HS6ST2: variants seen among roughly 807,000 people sequenced by gnomAD.
HS6ST2 encodes heparan sulfate 6-O-sulfotransferase 2.
In HS6ST2, 17 loss-of-function variants were observed where a neutral mutation model predicts 33.0. That is an observed-to-expected ratio of 0.52 (90% CI 0.35 to 0.77). HS6ST2 has a LOEUF of 0.77. Ranked by LOEUF, HS6ST2 falls within the 30% of genes least tolerant of loss-of-function variation. The probability of loss-of-function intolerance (pLI) is 0.01; values close to 1 mark genes in which losing one functional copy is unlikely to be tolerated. For missense variants in HS6ST2, 519 were observed against 551.7 expected, an observed-to-expected ratio of 0.94 and a Z score of 0.59; for synonymous variants, 248 against 237.1, an observed-to-expected ratio of 1.05 and a Z score of -0.42.
rs746050082 is a variant in HS6ST2 at position 132,628,871 on chromosome X, C to A, written c.1290G>T (p.Gln430His). The change falls in exon 5 of 5, where the codon CAG (glutamine) becomes CAT (histidine). Residue 430 changes from glutamine (Q) to histidine (H), a missense_variant. By Grantham distance (24) the Gln-to-His change is conservative (BLOSUM62 0). Coordinates refer to ENST00000370833, the MANE Select transcript of HS6ST2 (RefSeq NM_001394073.1). Reference sequence around the variant, plus strand: ...GGGTCAGGTCGGAGAGCATGCGCACCTGGCGGTTGTTGGCTAGATTGTAGG... The same window carrying A: ...GGGTCAGGTCGGAGAGCATGCGCACATGGCGGTTGTTGGCTAGATTGTAGG... The part of the protein sequence containing the change: ...DCPYNLANNR[Q>H]VRMLSDLTLV... 2.5e-6 allele frequency: 3 copies of A among 1,211,693 alleles called. No individual in the cohort carries two copies. The highest frequency in any genetic ancestry group is 4.3e-5 in the Admixed American group (2 of 46,035).
rs760716333 is a variant in HS6ST2, at chrX:132,874,912, G to C, written c.947+81896C>G. Among the ~76,000 whole-genome samples the C allele has an allele frequency of 6.3e-5, 7 of 111,729 alleles. No homozygotes were observed. In the East Asian group the frequency reaches 1.7e-3, roughly 27 times the overall value. On this transcript the variant is annotated intron_variant, in intron 2 of 4. Coordinates refer to ENST00000370833, the MANE Select transcript of HS6ST2 (RefSeq NM_001394073.1). ...CCCCAACACCTCCTCCTCTGGAAGG[G>C]GGGGGCGGCCCATGGCAGAAAATGG... is the stretch of plus-strand genomic sequence containing the variant.
At chrX:132,637,924 A>ATAATATATATATAATATTTTATATAT (rs2063573091) in intron 4 of HS6ST2, among the ~76,000 whole-genome samples, 1 of 60,501 alleles carries the variant, frequency 1.7e-5, no homozygotes, top group African/African-American at 6.8e-5. Flanking sequence ...TATTTTATAT[A>ATAATATATATATAATATTTTATATAT]TATATTATAT....
chrX:132,680,075 G>A (rs764476859), intron 3 of HS6ST2, among the ~76,000 whole-genome samples: 1 of 106,741 alleles, frequency 9.4e-6, no homozygotes, highest in South Asian at 4.4e-4. Context: ...ACGAGATGAC[G>A]ATTAAGAGAT....
chrX:132,897,982 A>T (rs1463334090), intron 2 of HS6ST2, among the ~76,000 whole-genome samples: 2 of 111,633 alleles, frequency 1.8e-5, no homozygotes, highest in Non-Finnish European at 3.8e-5. Context: ...CAGGCTGCAC[A>T]GCAGGTGGTG....
intron 1 of HS6ST2, among the ~76,000 whole-genome samples, 157 bp from the exon 2 acceptor site, chrX:132,957,483 C>T (rs1376393964): frequency 2.7e-5 from 3 of 109,853 alleles, no homozygotes; most frequent in African/African-American, 1.0e-4. Flanking sequence ...GGCGGCGGCT[C>T]CCTTCCCCGC....
At chrX:132,874,595 C>CA (rs1179685075) in intron 2 of HS6ST2, among the ~76,000 whole-genome samples, 3 of 110,051 alleles carry the variant, frequency 2.7e-5, no homozygotes, top group African/African-American at 6.6e-5. Flanking sequence ...ACAAAACTAG[C>CA]AAAAAAAACA....
intron 4 of HS6ST2, among the ~76,000 whole-genome samples, chrX:132,648,396 GT>G (rs1385920911): frequency 9.0e-6 from 1 of 111,308 alleles, no homozygotes; most frequent in Non-Finnish European, 1.9e-5. Flanking sequence ...CACTTTCTCA[GT>G]ATGCCAGTGG....
At chrX:132,891,442 A>T (rs1301299790) in intron 2 of HS6ST2, among the ~76,000 whole-genome samples, 3 of 107,173 alleles carry the variant, frequency 2.8e-5, no homozygotes, top group Non-Finnish European at 5.8e-5. Context: ...TGTGCAGGTT[A>T]GTTACATATG....
chrX:132,681,022 T>A (rs1188973122), intron 3 of HS6ST2, among the ~76,000 whole-genome samples: 1 of 107,097 alleles, frequency 9.3e-6, no homozygotes, highest in Non-Finnish European at 1.9e-5. Flanking sequence ...AAAAAAAAAG[T>A]CTTGTGTTTT....
intron 4 of HS6ST2, among the ~76,000 whole-genome samples, chrX:132,651,161 T>C (rs2148182451): frequency 8.9e-6 from 1 of 112,376 alleles, no homozygotes; most frequent in South Asian, 3.7e-4. Context: ...ACATATGTAT[T>C]AAGCCTCTAG....
intron 2 of HS6ST2, among the ~76,000 whole-genome samples, chrX:132,935,032 TAAAG>T (rs764503148): frequency 1.8e-5 from 2 of 111,780 alleles, no homozygotes; most frequent in Non-Finnish European, 3.8e-5. Flanking sequence ...TTTATAATGA[TAAAG>T]AAACAATGCA....
Position 132,673,751 on chromosome X carries a change from C to T in HS6ST2, c.981-4552G>A, listed in dbSNP as rs141631690. On this transcript the variant is annotated intron_variant, in intron 3 of 4. Coordinates refer to ENST00000370833, the MANE Select transcript of HS6ST2 (RefSeq NM_001394073.1). ...GATAAAAGCTCATCTAGTCGGCCTC[C>T]CCAACAGGTGCTTCAGGCCCCTCTC... 9.1e-3 allele frequency among the ~76,000 whole-genome samples: 1,006 copies of T among 110,935 alleles called. 4 individuals are homozygous for T. The highest frequency in any genetic ancestry group is 0.032 in the Middle Eastern group (7 of 217).
intron 2 of HS6ST2, among the ~76,000 whole-genome samples, chrX:132,734,404 A>G (rs187202545): frequency 5.0e-4 from 56 of 111,016 alleles, no homozygotes; most frequent in Non-Finnish European, 7.4e-4. Flanking sequence ...GAAGAAAAGC[A>G]GGAAAAAAAA....
intron 2 of HS6ST2, among the ~76,000 whole-genome samples, chrX:132,870,963 A>G (rs1007342399): frequency 3.1e-4 from 35 of 111,529 alleles, no homozygotes; most frequent in Admixed American, 9.5e-5. Flanking sequence ...AAAAACTATC[A>G]TCAGAGTGAA....
At chrX:132,771,030 G>A (rs969228912) in intron 2 of HS6ST2, among the ~76,000 whole-genome samples, 17 of 111,398 alleles carry the variant, frequency 1.5e-4, no homozygotes, top group African/African-American at 5.5e-4. Flanking sequence ...GTCATAATAC[G>A]ATGTATGGTG....
chrX:132,877,110 C>T (rs2066114710), intron 2 of HS6ST2, among the ~76,000 whole-genome samples: 1 of 111,924 alleles, frequency 8.9e-6, no homozygotes, highest in South Asian at 3.7e-4. Flanking sequence ...GTACAAGCAG[C>T]CTGATTTAAA....
intron 2 of HS6ST2, among the ~76,000 whole-genome samples, chrX:132,902,262 C>T (rs887172931): frequency 1.8e-5 from 2 of 111,420 alleles, no homozygotes; most frequent in African/African-American, 3.3e-5. Context: ...CCACCATGCC[C>T]AGCTAGCTTT....
Position 132,628,522 on chromosome X carries a change from G to C in HS6ST2, c.1639C>G (p.His547Asp), listed in dbSNP as rs767248999. 5.8e-6 allele frequency: 7 copies of C among 1,211,067 alleles called. No homozygotes were observed. The Admixed American group carries it at 1.5e-4, about 26-fold the overall frequency. ...TGACGCTTTCGCCTGGCCTCCTGAT[G>C]CTCTTTCTGCCTCATAAACTGATAC... is the stretch of plus-strand genomic sequence containing the variant. The part of the protein sequence containing the change: ...QRYQFMRQKE[H>D]QEARRKRQEQ... The change falls in exon 5 of 5, where the codon CAT becomes GAT. Residue 547 changes from histidine to aspartate, a missense_variant. Coordinates refer to ENST00000370833, the MANE Select transcript of HS6ST2 (RefSeq NM_001394073.1).
At chrX:132,869,401 C>T (rs1202366310) in intron 2 of HS6ST2, among the ~76,000 whole-genome samples, 2 of 111,940 alleles carry the variant, frequency 1.8e-5, no homozygotes. Flanking sequence ...AGGGACGCCT[C>T]CCTAACTCAT....
Sources: gnomAD v4.1 joint callset for allele counts (sites outside exome capture counted in the v4.1 genomes callset) on GRCh38, gnomAD v4.1.1 for gene constraint, MANE v1.5 for transcripts, NCBI Gene and HGNC (gene_info 2026-07-23, HGNC 2026-07-21) for gene names.